The following STAG1 variants were observed in gnomAD, a reference collection of about 807,000 sequenced individuals.
The protein encoded by STAG1 is cohesin subunit SA-1.
A neutral mutation model predicts 170.9 loss-of-function variants in STAG1; 26 were observed. The observed-to-expected ratio is 0.15, with a 90% CI of 0.11 to 0.21. The LOEUF is 0.21. Ranked by LOEUF, STAG1 falls within the 10% of genes least tolerant of loss-of-function variation. STAG1 has a pLI of 1.00. For synonymous variants in STAG1, 514 were observed against 497.7 expected (o/e 1.03, Z -0.44); for missense variants, 964 against 1,509.5 (o/e 0.64, Z 5.99).
intron 21 of STAG1, among the ~76,000 whole-genome samples, chr3:136,401,044 T>A (rs937920146): frequency 6.6e-6 from 1 of 152,202 alleles, no homozygotes. Context: ...TAATAACCTC[T>A]GTAGACAACA....
chr3:136,607,458 G>A (rs980918821), intron 3 of STAG1, among the ~76,000 whole-genome samples: 14 of 151,928 alleles, frequency 9.2e-5, no homozygotes, highest in Non-Finnish European at 1.2e-4. Flanking sequence ...GCTGGAGTGC[G>A]GTGGTGCGAT....
chr3:136,465,574 A>G (rs1286579003), intron 12 of STAG1, among the ~76,000 whole-genome samples: 1 of 148,516 alleles, frequency 6.7e-6, no homozygotes, highest in Non-Finnish European at 1.5e-5. Flanking sequence ...AAAAAAAAAA[A>G]AAAAAAAAAA....
chr3:136,507,861 TG>T (rs1455146907), intron 7 of STAG1, among the ~76,000 whole-genome samples: 4 of 152,076 alleles, frequency 2.6e-5, no homozygotes, highest in African/African-American at 9.7e-5. Flanking sequence ...CAGGACAATG[TG>T]GTATTCCAGA....
chr3:136,560,935 G>A (rs1576608077), intron 5 of STAG1, among the ~76,000 whole-genome samples: 1 of 152,074 alleles, frequency 6.6e-6, no homozygotes, highest in African/African-American at 2.4e-5. Context: ...TGGGGACGGG[G>A]CGAATTGTGA....
chr3:136,662,648 T>C (rs1210266816), intron 1 of STAG1, among the ~76,000 whole-genome samples: 1 of 152,106 alleles, frequency 6.6e-6, no homozygotes, highest in Admixed American at 6.6e-5. Flanking sequence ...TCTTACCATG[T>C]TGCCCAGTCT....
intron 4 of STAG1, among the ~76,000 whole-genome samples, chr3:136,577,775 G>A (rs546463557): frequency 6.6e-6 from 1 of 152,334 alleles, no homozygotes; most frequent in South Asian, 2.1e-4. Context: ...GAACATGTAT[G>A]ATAGTAGATT....
intron 1 of STAG1, among the ~76,000 whole-genome samples, chr3:136,671,140 C>T (rs1941967740): frequency 6.6e-6 from 1 of 152,128 alleles, no homozygotes; most frequent in Non-Finnish European, 1.5e-5. Flanking sequence ...CAAAAATTAG[C>T]TGGGCATGGT....
At chr3:136,533,936 AAAAC>A (rs759957345) in intron 6 of STAG1, among the ~76,000 whole-genome samples, 15 of 152,242 alleles carry the variant, frequency 9.9e-5, no homozygotes, top group Admixed American at 2.0e-4. Flanking sequence ...AAAGTTAAGC[AAAAC>A]AAACAAACAA....
At chr3:136,368,902 C>CGAG (rs1937184974) in intron 24 of STAG1, among the ~76,000 whole-genome samples, 1 of 152,076 alleles carries the variant, frequency 6.6e-6, no homozygotes, top group Non-Finnish European at 1.5e-5. Flanking sequence ...ATTGCCTAGG[C>CGAG]TGCTCTCGAA....
chr3:136,747,093 TAAAAAAA>T (rs71134408), intron 1 of STAG1, among the ~76,000 whole-genome samples: 29 of 59,320 alleles, frequency 4.9e-4, no homozygotes, highest in Non-Finnish European at 6.1e-4. Flanking sequence ...TGAAACTGTC[TAAAAAAA>T]AAAAAAAAAA....
At chr3:136,424,904 A>G (rs2088070290) in intron 16 of STAG1, among the ~76,000 whole-genome samples, 1 of 151,934 alleles carries the variant, frequency 6.6e-6, no homozygotes, top group African/African-American at 2.4e-5. Context: ...CAGTGGTGCA[A>G]TCTCGGCTCA....
At chr3:136,390,489 CATA>C (rs1259126293) in intron 22 of STAG1, among the ~76,000 whole-genome samples, 35 of 151,960 alleles carry the variant, frequency 2.3e-4, no homozygotes, top group Admixed American at 2.0e-3. Context: ...TGTGATTGGA[CATA>C]ATATTAACAG....
At chr3:136,401,794 T>C (rs1275696636) in intron 21 of STAG1, among the ~76,000 whole-genome samples, 2 of 152,242 alleles carry the variant, frequency 1.3e-5, no homozygotes, top group Admixed American at 6.5e-5. Flanking sequence ...CTTTAATTTT[T>C]TGAGATCAAG....
chr3:136,543,823 A>G (rs1936022724), intron 5 of STAG1, among the ~76,000 whole-genome samples: 1 of 152,202 alleles, frequency 6.6e-6, no homozygotes, highest in Admixed American at 6.5e-5. Flanking sequence ...GAGATAACAA[A>G]TGTAAAGTAT....
chr3:136,563,883 C>A (rs1936947958), intron 5 of STAG1, among the ~76,000 whole-genome samples: 1 of 151,962 alleles, frequency 6.6e-6, no homozygotes, highest in South Asian at 2.1e-4. Flanking sequence ...TTTAGCTGGG[C>A]ATGGTGGTGC....
intron 28 of STAG1, among the ~76,000 whole-genome samples, chr3:136,354,511 AGGC>A (rs1360938708): frequency 6.6e-6 from 1 of 151,936 alleles, no homozygotes; most frequent in Non-Finnish European, 1.5e-5. Context: ...CATGTTGGCC[AGGC>A]TGGTCTTGAA....
intron 9 of STAG1, among the ~76,000 whole-genome samples, chr3:136,493,281 T>C (rs1177330926): frequency 6.6e-6 from 1 of 152,050 alleles, no homozygotes; most frequent in East Asian, 1.9e-4. Flanking sequence ...ATGTTGAGGC[T>C]GAAGTGAGCT....
At chr3:136,487,335 T>C (rs1290912999) in intron 9 of STAG1, among the ~76,000 whole-genome samples, 2 of 152,346 alleles carry the variant, frequency 1.3e-5, no homozygotes, top group Non-Finnish European at 2.9e-5. Flanking sequence ...CTGCATGGTA[T>C]TCCATGGAGT....
At chr3:136,508,559 G>C (rs1226967254) in intron 7 of STAG1, among the ~76,000 whole-genome samples, 2 of 152,162 alleles carry the variant, frequency 1.3e-5, no homozygotes, top group African/African-American at 2.4e-5. Flanking sequence ...ATTGAGATGT[G>C]CACCTGTAGT....
Sources: allele counts gnomAD v4.1 joint callset (sites outside exome capture counted in the v4.1 genomes callset), GRCh38; gene constraint gnomAD v4.1.1; transcripts MANE v1.5; gene names NCBI Gene and HGNC (gene_info 2026-07-23, HGNC 2026-07-21).